Variants in VIT observed in about 807,000 individuals in gnomAD.
The protein encoded by VIT is vitrin.
In VIT, 99 loss-of-function variants were observed where a neutral mutation model predicts 78.0. The ratio of observed to expected loss-of-function variants is 1.27; its 90% CI spans 1.08 to 1.50. VIT has a LOEUF of 1.50. VIT is among the 40% of genes most tolerant of loss of function. The pLI, the probability that VIT is intolerant of heterozygous loss-of-function variation, is 0.00. For missense variants in VIT, 1,126 were observed against 875.3 expected, an observed-to-expected ratio of 1.29 and a Z score of -3.61; for synonymous variants, 374 against 334.3, an observed-to-expected ratio of 1.12 and a Z score of -1.29.
intron 1 of VIT, among the ~76,000 whole-genome samples, chr2:36,699,889 A>G (rs951782558): frequency 6.6e-6 from 1 of 151,988 alleles, no homozygotes; most frequent in East Asian, 1.9e-4. Context: ...TACTTTTTCA[A>G]TGTGTTAACT....
intron 15 of VIT, among the ~76,000 whole-genome samples, chr2:36,811,825 A>G (rs1187171225): frequency 1.3e-5 from 2 of 151,886 alleles, no homozygotes; most frequent in East Asian, 3.9e-4. Context: ...GGAACCTGCC[A>G]CCACACCCAG....
intron 11 of VIT, among the ~76,000 whole-genome samples, chr2:36,785,325 G>A (rs1351068671): frequency 4.6e-5 from 7 of 152,102 alleles, no homozygotes; most frequent in Non-Finnish European, 8.8e-5. Flanking sequence ...CTAGCAAACT[G>A]TAGGTGCTAG....
intron 2 of VIT, among the ~76,000 whole-genome samples, chr2:36,716,869 C>CTTTTTTTTTTTTTTTT: frequency 1.3e-5 from 1 of 78,676 alleles, no homozygotes; most frequent in East Asian, 4.1e-4. Flanking sequence ...AGAGATGATT[C>CTTTTTTTTTTTTTTTT]TTTTTTTTTT....
At chr2:36,702,510 G>C (rs1258943765) in intron 1 of VIT, among the ~76,000 whole-genome samples, 1 of 152,102 alleles carries the variant, frequency 6.6e-6, no homozygotes, top group Non-Finnish European at 1.5e-5. Context: ...ACGTAAAGAT[G>C]ATATTCAAGC....
intron 2 of VIT, among the ~76,000 whole-genome samples, chr2:36,724,622 A>G (rs975523267): frequency 1.3e-5 from 2 of 152,174 alleles, no homozygotes; most frequent in African/African-American, 4.8e-5. Flanking sequence ...GAGGAGCTTT[A>G]ATTATAATCA....
At chr2:36,707,489 A>G (rs1433629627) in intron 1 of VIT, among the ~76,000 whole-genome samples, 1 of 152,184 alleles carries the variant, frequency 6.6e-6, no homozygotes, top group African/African-American at 2.4e-5. Context: ...AACTAGTACA[A>G]TCACCTGGCA....
At chr2:36,809,092 G>GACTTAAT in intron 15 of VIT, 107 bp downstream of exon 15, 1 of 1,423,054 alleles carries the variant, frequency 7.0e-7, no homozygotes, top group Non-Finnish European at 9.4e-7. Context: ...TTTTTTCTGC[G>GACTTAAT]ACTTAATAAA....
chr2:36,775,934 C>T (rs997765005), intron 9 of VIT, among the ~76,000 whole-genome samples: 1 of 152,172 alleles, frequency 6.6e-6, no homozygotes, highest in African/African-American at 2.4e-5. Flanking sequence ...ATCCTTCGAC[C>T]AACTCTCATC....
intron 1 of VIT, among the ~76,000 whole-genome samples, chr2:36,709,543 G>A (rs143267013): frequency 7.2e-4 from 109 of 152,258 alleles, no homozygotes; most frequent in Middle Eastern, 6.8e-3. Flanking sequence ...CACATAGTAC[G>A]TATACTTTTA....
intron 8 of VIT, chr2:36,774,537 C>T: frequency 4.1e-6 from 4 of 985,408 alleles, no homozygotes; most frequent in Non-Finnish European, 4.8e-6. Flanking sequence ...AGGTCTTCTC[C>T]CTGCTGGGGG....
chr2:36,708,583 A>C (rs1349415796), intron 1 of VIT, among the ~76,000 whole-genome samples: 1 of 152,132 alleles, frequency 6.6e-6, no homozygotes, highest in Non-Finnish European at 1.5e-5. Context: ...ATGACATTCA[A>C]GGCTGACATG....
At chr2:36,722,165 G>T (rs1293449117) in intron 2 of VIT, among the ~76,000 whole-genome samples, 2 of 152,208 alleles carry the variant, frequency 1.3e-5, no homozygotes, top group Non-Finnish European at 2.9e-5. Context: ...GCTTGCTTTA[G>T]ATATGTTTCA....
At chr2:36,745,105 T>C (rs1386832154) in intron 4 of VIT, among the ~76,000 whole-genome samples, 1 of 152,154 alleles carries the variant, frequency 6.6e-6, no homozygotes, top group Non-Finnish European at 1.5e-5. Flanking sequence ...TGTGTCAACT[T>C]TGTGGACAAT....
intron 1 of VIT, among the ~76,000 whole-genome samples, chr2:36,713,887 T>C (rs1039412701): frequency 6.6e-6 from 1 of 152,202 alleles, no homozygotes; most frequent in African/African-American, 2.4e-5. Flanking sequence ...AGTTAAACAC[T>C]CAGGCTTGAA....
intron 4 of VIT, among the ~76,000 whole-genome samples, chr2:36,744,440 A>G (rs868195289): frequency 6.6e-6 from 1 of 152,244 alleles, no homozygotes; most frequent in Non-Finnish European, 1.5e-5. Context: ...CATTCCCACC[A>G]ACAATGTATA....
intron 13 of VIT, among the ~76,000 whole-genome samples, chr2:36,801,752 G>A (rs963447102): frequency 6.6e-5 from 10 of 151,434 alleles, no homozygotes; most frequent in Admixed American, 5.9e-4. Flanking sequence ...CTCCAGCCTG[G>A]GTGGCAGAGC....
intron 7 of VIT, among the ~76,000 whole-genome samples, chr2:36,771,069 G>A (rs767336342): frequency 1.6e-4 from 24 of 152,280 alleles, no homozygotes; most frequent in Non-Finnish European, 3.1e-4. Context: ...CATCTCACCA[G>A]TGAAAGCTTA....
At chr2:36,706,982 A>G (rs1311632586) in intron 1 of VIT, among the ~76,000 whole-genome samples, 1 of 151,942 alleles carries the variant, frequency 6.6e-6, no homozygotes, top group Non-Finnish European at 1.5e-5. Flanking sequence ...GAATTATAGG[A>G]ATTATAATGT....
chr2:36,798,985 G>A (rs1666116035), intron 12 of VIT, among the ~76,000 whole-genome samples: 1 of 152,094 alleles, frequency 6.6e-6, no homozygotes, highest in East Asian at 1.9e-4. Flanking sequence ...CTGTGTTGTT[G>A]TTTGTTTCTG....
Sources: gnomAD v4.1 joint callset for allele counts (sites outside exome capture counted in the v4.1 genomes callset) on GRCh38, gnomAD v4.1.1 for gene constraint, MANE v1.5 for transcripts, NCBI Gene and HGNC (gene_info 2026-07-23, HGNC 2026-07-21) for gene names.